Variants in WNK2 observed in about 807,000 individuals in gnomAD.
The protein encoded by WNK2 is WNK lysine deficient protein kinase 2.
A neutral mutation model predicts 192.1 loss-of-function variants in WNK2; 67 were observed. The observed-to-expected ratio is 0.35, with a 90% confidence interval of 0.29 to 0.43. The LOEUF is 0.43. WNK2 is among the 20% of genes least tolerant of loss of function. The pLI, the probability that WNK2 is intolerant of heterozygous loss-of-function variation, is 1.00. For synonymous variants in WNK2, 1,439 were observed against 1,393.9 expected, an observed-to-expected ratio of 1.03 and a Z score of -0.72; for missense variants, 2,698 against 3,089.7, an observed-to-expected ratio of 0.87 and a Z score of 3.01.
chr9:93,193,226 G>A (rs1326236888), intron 2 of WNK2, among the ~76,000 whole-genome samples: 1 of 152,160 alleles, frequency 6.6e-6, no homozygotes, highest in African/African-American at 2.4e-5. Context: ...CCCAGGGGTA[G>A]GAGGGCCCTG....
At chr9:93,304,931 C>T (rs1265729132) in intron 26 of WNK2, among the ~76,000 whole-genome samples, 2 of 152,158 alleles carry the variant, frequency 1.3e-5, no homozygotes, top group Non-Finnish European at 2.9e-5. Flanking sequence ...AGGAAGGGCC[C>T]GTGGAGGCCT....
chr9:93,217,773 G>A (rs1836013558), intron 2 of WNK2, among the ~76,000 whole-genome samples: 1 of 152,234 alleles, frequency 6.6e-6, no homozygotes, highest in Non-Finnish European at 1.5e-5. Flanking sequence ...TTATTCAGTG[G>A]ACATCTTGAC....
intron 2 of WNK2, among the ~76,000 whole-genome samples, chr9:93,226,636 C>T (rs1294172972): frequency 6.6e-6 from 1 of 152,188 alleles, no homozygotes; most frequent in East Asian, 1.9e-4. Context: ...CACTTCTACC[C>T]ACCCCAGAGG....
chr9:93,198,296 C>G (rs1161273063), intron 2 of WNK2, among the ~76,000 whole-genome samples: 1 of 152,206 alleles, frequency 6.6e-6, no homozygotes, highest in Admixed American at 6.5e-5. Flanking sequence ...TTGATGCTAA[C>G]AGGACTTGCT....
chr9:93,230,831 G>A (rs1161493455), intron 3 of WNK2, 57 bp from the exon 4 acceptor site: 1 of 1,522,298 alleles, frequency 6.6e-7, no homozygotes, highest in East Asian at 2.3e-5. Context: ...TGGGGGCTTT[G>A]CTAGGGGGCC....
intron 8 of WNK2, among the ~76,000 whole-genome samples, chr9:93,248,163 AGACCCAAGCACTGG>A (rs1842053164): frequency 6.6e-6 from 1 of 152,254 alleles, no homozygotes; most frequent in Non-Finnish European, 1.5e-5. Flanking sequence ...TGGGGCCAGC[AGACCCAAGCACTGG>A]GATGTGCAGG....
At chr9:93,315,453 T>G (rs1854466176) in intron 28 of WNK2, 1 of 152,256 alleles carries the variant, frequency 6.6e-6, no homozygotes, top group Non-Finnish European at 1.5e-5. Flanking sequence ...GTCTCATCCC[T>G]TCTTAAAACA....
At chr9:93,207,756 C>G (rs1413023146) in intron 2 of WNK2, among the ~76,000 whole-genome samples, 1 of 152,268 alleles carries the variant, frequency 6.6e-6, no homozygotes, top group Non-Finnish European at 1.5e-5. Context: ...GGCTCGCTTG[C>G]TGCCGGCACC....
intron 9 of WNK2, among the ~76,000 whole-genome samples, chr9:93,253,662 G>C (rs1371974990): frequency 6.6e-6 from 1 of 152,186 alleles, no homozygotes; most frequent in African/African-American, 2.4e-5. Flanking sequence ...GGGCGGGGAT[G>C]AGGGGAACAC....
intron 2 of WNK2, among the ~76,000 whole-genome samples, chr9:93,212,098 C>T (rs1046505067): frequency 7.9e-5 from 12 of 152,248 alleles, no homozygotes; most frequent in Non-Finnish European, 1.3e-4. Flanking sequence ...TCGGTTCCCT[C>T]ACTCATCATT....
intron 19 of WNK2, among the ~76,000 whole-genome samples, chr9:93,278,254 C>A (rs907828338): frequency 6.6e-6 from 1 of 152,042 alleles, no homozygotes; most frequent in Admixed American, 6.6e-5. Flanking sequence ...ATTTCCAAGG[C>A]GGAGTTCTGG....
rs1468424515 is a variant in WNK2 at position 93,253,102 on chromosome 9, C to T, written c.2034+20C>T. 2 of 1,383,282 alleles carry T rather than the reference C, an allele frequency of 1.4e-6. No homozygotes were observed. Among genetic ancestry groups the T allele is most frequent in the Non-Finnish European group, 1.9e-6 (2 of 1,069,712 alleles). 85.7% of individuals were successfully genotyped at this position (1,383,282 alleles called of 1,614,324 possible). ...GCTGCAGTGAGTCAGAGCATCACTC[C>T]CACCCCCTTCCCCATCCCCATTACC... On this transcript the variant is annotated intron_variant, in intron 9 of 29. Transcript: ENST00000427277.
intron 7 of WNK2, among the ~76,000 whole-genome samples, chr9:93,246,568 G>A (rs1841735633): frequency 6.6e-6 from 1 of 152,226 alleles, no homozygotes; most frequent in Non-Finnish European, 1.5e-5. Flanking sequence ...CCACACCTGA[G>A]GAGCCTGGCG....
intron 2 of WNK2, among the ~76,000 whole-genome samples, chr9:93,221,027 C>A (rs1310708670): frequency 6.6e-6 from 1 of 152,204 alleles, no homozygotes; most frequent in Non-Finnish European, 1.5e-5. Flanking sequence ...CCTGTCTTTG[C>A]CCACGATGGA....
chr9:93,259,044 G>A lies in WNK2; in HGVS notation c.2496G>A (p.Gln832=). 1 of 1,612,878 alleles carries A rather than the reference G, an allele frequency of 6.2e-7. No individual in the cohort carries two copies. Among genetic ancestry groups the A allele is most frequent in the Non-Finnish European group, 8.5e-7 (1 of 1,179,746 alleles). ...CTGTGCCTCCCGTGCCACCACCTCAGTATTTCTCTCCAGCCGTGATCTTGC... is the reference window on the plus strand; with the variant it reads ...CTGTGCCTCCCGTGCCACCACCTCAATATTTCTCTCCAGCCGTGATCTTGC... ...TATVPPVPPP[Q]YFSPAVILPS... Residue 832 remains glutamine, a synonymous_variant, in exon 12 of 30, where the codon CAG becomes CAA. Coordinates refer to ENST00000427277, the MANE Select transcript of WNK2 (RefSeq NM_006648.4). This position sits in a 1 kb window ranked among gnomAD's most constrained non-coding sequence, Gnocchi z 4.8.
At chr9:93,282,946 T>C (rs1847947241) in intron 19 of WNK2, among the ~76,000 whole-genome samples, 1 of 152,244 alleles carries the variant, frequency 6.6e-6, no homozygotes, top group Admixed American at 6.5e-5. Flanking sequence ...ACTTGATGCA[T>C]GCTTTTGATT....
chr9:93,218,417 G>A (rs1836167735), intron 2 of WNK2, among the ~76,000 whole-genome samples: 1 of 152,188 alleles, frequency 6.6e-6, no homozygotes, highest in Non-Finnish European at 1.5e-5. Flanking sequence ...ATGCAGGGGT[G>A]GCCGCCTGGC....
At position 93,233,703 on chromosome 9, in the gene WNK2, A is replaced by T. The variant is rs75292920; in HGVS notation, c.1076-1105A>T. Among the ~76,000 whole-genome samples, 1,040 of 147,412 alleles carry T rather than the reference A, an allele frequency of 7.1e-3. 10 individuals are homozygous for T. Among genetic ancestry groups the T allele is most frequent in the African/African-American group, 0.025 (992 of 39,208 alleles). Reference sequence around the variant, plus strand: ...GGGGACAGAGTGAGATTCCGTCTCAAAAAAAAAAAAAAAAAAAAGTAACAC... The same window carrying T: ...GGGGACAGAGTGAGATTCCGTCTCATAAAAAAAAAAAAAAAAAAGTAACAC... On this transcript the variant is annotated intron_variant, in intron 4 of 29. Transcript: ENST00000427277.
At chr9:93,295,289 G>C (rs1005660615) in intron 23 of WNK2, among the ~76,000 whole-genome samples, 2 of 152,016 alleles carry the variant, frequency 1.3e-5, no homozygotes, top group Non-Finnish European at 2.9e-5. Context: ...CCCTGCCCAC[G>C]CAGCCGCTCC....
Sources: gnomAD v4.1 joint callset for allele counts (sites outside exome capture counted in the v4.1 genomes callset) on GRCh38, gnomAD v4.1.1 for gene constraint, Gnocchi (gnomAD v3.1) non-coding constraint, MANE v1.5 for transcripts, NCBI Gene and HGNC (gene_info 2026-07-23, HGNC 2026-07-21) for gene names.